Variants in ADK observed in about 807,000 individuals in gnomAD.
ADK encodes adenosine kinase.
A neutral mutation model predicts 44.7 loss-of-function variants in ADK; 24 were observed. The observed-to-expected ratio is 0.54, with a 90% CI of 0.39 to 0.76. The LOEUF (loss-of-function observed/expected upper bound fraction) is 0.76, where lower values mean the gene tolerates loss of function less well. ADK is among the 30% of genes least tolerant of loss of function. The pLI, the probability that ADK is intolerant of heterozygous loss-of-function variation, is 0.00. For missense variants in ADK, 321 were observed against 425.1 expected (o/e 0.76, Z 2.15); for synonymous variants, 128 against 142.6 (o/e 0.90, Z 0.73).
intron 3 of ADK, among the ~76,000 whole-genome samples, chr10:74,273,446 A>G (rs187469289): frequency 4.0e-5 from 6 of 149,048 alleles, no homozygotes; most frequent in Admixed American, 3.3e-4. Context: ...TCTTCCCCAA[A>G]TCTCTTCTTC....
At chr10:74,436,427 A>G (rs1845180258) in intron 6 of ADK, among the ~76,000 whole-genome samples, 1 of 151,912 alleles carries the variant, frequency 6.6e-6, no homozygotes, top group African/African-American at 2.4e-5. Flanking sequence ...CATTAAGTGG[A>G]ATTGAATCAT....
intron 9 of ADK, among the ~76,000 whole-genome samples, chr10:74,646,445 T>G (rs1054594899): frequency 4.6e-5 from 7 of 152,208 alleles, no homozygotes; most frequent in African/African-American, 1.7e-4. Flanking sequence ...AGGCCCAAAT[T>G]GAGCTGAATT....
chr10:74,303,369 A>G (rs1315210500), intron 3 of ADK, among the ~76,000 whole-genome samples: 1 of 152,080 alleles, frequency 6.6e-6, no homozygotes, highest in African/African-American at 2.4e-5. Context: ...ACCTGTTTCT[A>G]TTCAATAGGA....
At position 74,442,223 on chromosome 10, in the gene ADK, CAT is replaced by C. The variant is rs1247133771; in HGVS notation, c.555+43645_555+43646del. 4.6e-5 allele frequency among the ~76,000 whole-genome samples: 7 copies of C among 152,042 alleles called. No homozygotes were observed. The East Asian group carries it at 7.7e-4, about 17-fold the overall frequency. ...GTGACTGTTATCAAAAAGTCAAAAT[CAT>C]GTGGAAAAAAGGGATCCCTTGTTAG... On this transcript the variant is annotated intron_variant, in intron 6 of 10. Coordinates refer to ENST00000539909, the MANE Select transcript of ADK (RefSeq NM_006721.4).
intron 9 of ADK, among the ~76,000 whole-genome samples, chr10:74,667,799 C>G (rs1345725380): frequency 6.6e-6 from 1 of 152,018 alleles, no homozygotes; most frequent in African/African-American, 2.4e-5. Context: ...TCCCAAAGTG[C>G]TAGGATTACA....
At chr10:74,200,962 T>G (rs1843356291) in intron 2 of ADK, 124 bp downstream of exon 2, 15 of 723,842 alleles carry the variant, frequency 2.1e-5, no homozygotes, top group Non-Finnish European at 3.4e-5. Context: ...GAAATTTAAG[T>G]TTGGTGATAG....
At chr10:74,533,852 T>C (rs956742291) in intron 7 of ADK, among the ~76,000 whole-genome samples, 1 of 152,214 alleles carries the variant, frequency 6.6e-6, no homozygotes, top group Non-Finnish European at 1.5e-5. Context: ...TTATTTGTAA[T>C]GGCCAAAGTC....
intron 4 of ADK, among the ~76,000 whole-genome samples, chr10:74,347,058 G>A (rs1387686928): frequency 7.4e-6 from 1 of 135,722 alleles, no homozygotes; most frequent in African/African-American, 2.9e-5. Flanking sequence ...AATGAGCAGA[G>A]ATCGCACCAC....
At chr10:74,320,562 T>A (rs1184598602) in intron 4 of ADK, among the ~76,000 whole-genome samples, 1 of 152,124 alleles carries the variant, frequency 6.6e-6, no homozygotes, top group Non-Finnish European at 1.5e-5. Flanking sequence ...TCTTCAAAAA[T>A]TTTTTTCTTT....
At chr10:74,238,893 C>T (rs927041365) in intron 3 of ADK, among the ~76,000 whole-genome samples, 9 of 120,180 alleles carry the variant, frequency 7.5e-5, no homozygotes, top group Admixed American at 4.2e-4. Flanking sequence ...GACGGAGTCT[C>T]GCTCTGTTCC....
chr10:74,268,308 T>A (rs946984238), intron 3 of ADK, among the ~76,000 whole-genome samples: 7 of 151,844 alleles, frequency 4.6e-5, no homozygotes, highest in Admixed American at 3.9e-4. Flanking sequence ...ACAGAGCAAG[T>A]CACCATATCT....
chr10:74,679,396 G>A (rs1324592920), intron 10 of ADK, among the ~76,000 whole-genome samples: 5 of 152,106 alleles, frequency 3.3e-5, no homozygotes, highest in Non-Finnish European at 5.9e-5. Context: ...CTTTCTTTAT[G>A]AATAATGTTG....
intron 6 of ADK, among the ~76,000 whole-genome samples, chr10:74,502,363 A>G (rs1847912631): frequency 6.6e-6 from 1 of 152,090 alleles, no homozygotes; most frequent in African/African-American, 2.4e-5. Flanking sequence ...AGACATAGAG[A>G]GTGTTTATTG....
chr10:74,163,701 G>T (rs1841961812), intron 1 of ADK, among the ~76,000 whole-genome samples: 2 of 152,146 alleles, frequency 1.3e-5, no homozygotes, highest in Admixed American at 6.5e-5. Flanking sequence ...TATAGCAAAA[G>T]AAACTGTTTC....
At chr10:74,178,925 C>T (rs189869719) in intron 1 of ADK, among the ~76,000 whole-genome samples, 1 of 152,298 alleles carries the variant, frequency 6.6e-6, no homozygotes, top group Admixed American at 6.5e-5. Context: ...TCCAGATTTC[C>T]ATGATTTAGT....
chr10:74,480,118 A>G (rs912762656), intron 6 of ADK, among the ~76,000 whole-genome samples: 1 of 151,960 alleles, frequency 6.6e-6, no homozygotes, highest in African/African-American at 2.4e-5. Flanking sequence ...GCTTGGCTGC[A>G]TATAAAATCC....
At chr10:74,302,802 A>C (rs1840104760) in intron 3 of ADK, among the ~76,000 whole-genome samples, 1 of 152,120 alleles carries the variant, frequency 6.6e-6, no homozygotes, top group Non-Finnish European at 1.5e-5. Context: ...TCTCAAAAAA[A>C]GGAAACGAAT....
At chr10:74,413,662 C>T (rs1347832644) in intron 6 of ADK, among the ~76,000 whole-genome samples, 2 of 152,220 alleles carry the variant, frequency 1.3e-5, no homozygotes, top group African/African-American at 4.8e-5. Context: ...GCTTATTTCA[C>T]TCTCTTATTC....
chr10:74,567,681 GT>G (rs201299444), intron 7 of ADK, among the ~76,000 whole-genome samples: 1 of 129,608 alleles, frequency 7.7e-6, no homozygotes, highest in African/African-American at 3.2e-5. Flanking sequence ...CTCTCTCTCT[GT>G]TTTTTTTGTT....
Sources: gnomAD v4.1 joint callset for allele counts (sites outside exome capture counted in the v4.1 genomes callset) on GRCh38, gnomAD v4.1.1 for gene constraint, MANE v1.5 for transcripts, NCBI Gene and HGNC (gene_info 2026-07-23, HGNC 2026-07-21) for gene names.